Variants in RTN1 observed in about 807,000 individuals in gnomAD.
RTN1 encodes the protein reticulon 1, also known as reticulon-1.
A neutral mutation model predicts 65.5 loss-of-function variants in RTN1; 25 were observed. The ratio of observed to expected loss-of-function variants is 0.38; its 90% CI spans 0.28 to 0.53. The LOEUF is 0.53. RTN1 is among the 20% of genes least tolerant of loss of function. The pLI, the probability that RTN1 is intolerant of heterozygous loss-of-function variation, is 0.79. For synonymous variants in RTN1, 471 were observed against 447.6 expected (o/e 1.05, Z -0.66); for missense variants, 983 against 1,025.4 (o/e 0.96, Z 0.57).
intron 1 of RTN1, among the ~76,000 whole-genome samples, chr14:59,749,849 A>T (rs1359686586): frequency 8.7e-6 from 1 of 115,314 alleles, no homozygotes; most frequent in Non-Finnish European, 1.6e-5. Flanking sequence ...ATATTTATAT[A>T]TATATCTATA....
intron 8 of RTN1, among the ~76,000 whole-genome samples, chr14:59,597,362 C>G (rs1881433702): frequency 1.3e-5 from 2 of 152,256 alleles, no homozygotes; most frequent in African/African-American, 2.4e-5. Context: ...GTCCTAAATA[C>G]TCATTAAAAT....
At chr14:59,738,458 T>C (rs919141023) in intron 2 of RTN1, among the ~76,000 whole-genome samples, 45 of 152,266 alleles carry the variant, frequency 3.0e-4, no homozygotes, top group African/African-American at 1.0e-3. Flanking sequence ...TGAGGTACAA[T>C]CTTACAAAAT....
chr14:59,670,871 A>G (rs1198505731), intron 3 of RTN1, among the ~76,000 whole-genome samples: 1 of 152,192 alleles, frequency 6.6e-6, no homozygotes, highest in African/African-American at 2.4e-5. Flanking sequence ...TAACAGCAAC[A>G]TGGTTATTAA....
chr14:59,611,258 C>T (rs1473893792), intron 3 of RTN1, among the ~76,000 whole-genome samples: 1 of 146,744 alleles, frequency 6.8e-6, no homozygotes, highest in Non-Finnish European at 1.5e-5. Context: ...GGTTCAATGG[C>T]CCCCCTCCAG....
At chr14:59,804,107 G>A (rs1886594339) in intron 1 of RTN1, among the ~76,000 whole-genome samples, 1 of 152,010 alleles carries the variant, frequency 6.6e-6, no homozygotes, top group Non-Finnish European at 1.5e-5. Context: ...TGTCTTCCAG[G>A]ATCCCATCCA....
At chr14:59,682,771 A>G (rs906446476) in intron 3 of RTN1, among the ~76,000 whole-genome samples, 13 of 152,206 alleles carry the variant, frequency 8.5e-5, no homozygotes, top group Admixed American at 2.0e-4. Flanking sequence ...TTGATAATTT[A>G]TGAGTTTCCT....
intron 3 of RTN1, among the ~76,000 whole-genome samples, chr14:59,639,195 T>C (rs1238570896): frequency 6.6e-6 from 1 of 152,230 alleles, no homozygotes; most frequent in Non-Finnish European, 1.5e-5. Flanking sequence ...AGCCATCTTC[T>C]ATAGGTGCAG....
intron 1 of RTN1, among the ~76,000 whole-genome samples, chr14:59,847,916 G>A (rs746990897): frequency 1.3e-5 from 2 of 152,158 alleles, no homozygotes; most frequent in African/African-American, 2.4e-5. Context: ...CTCAGGGCCC[G>A]AATTTGTTTA....
chr14:59,629,104 G>A (rs946314308), intron 3 of RTN1, among the ~76,000 whole-genome samples: 3 of 152,132 alleles, frequency 2.0e-5, no homozygotes, highest in East Asian at 3.9e-4. Flanking sequence ...GTTCTTCCAC[G>A]TAATTGTCAT....
At chr14:59,686,957 C>T (rs1389350633) in intron 3 of RTN1, among the ~76,000 whole-genome samples, 2 of 152,224 alleles carry the variant, frequency 1.3e-5, no homozygotes, top group Non-Finnish European at 1.5e-5. Flanking sequence ...AGGTCAGAGA[C>T]TGAAGTGCCT....
At chr14:59,607,581 G>C in intron 3 of RTN1, 89 bp from the exon 4 acceptor site, 1 of 1,154,062 alleles carries the variant, frequency 8.7e-7, no homozygotes, top group Non-Finnish European at 1.3e-6. Flanking sequence ...TGTGGTTGCT[G>C]TGGGTTCTCA....
chr14:59,824,860 C>T (rs571378247), intron 1 of RTN1, among the ~76,000 whole-genome samples: 2 of 152,292 alleles, frequency 1.3e-5, no homozygotes, highest in African/African-American at 4.8e-5. Context: ...ATCTTGAGAG[C>T]ATTATGCTAA....
chr14:59,613,439 T>C (rs1204667342), intron 3 of RTN1, among the ~76,000 whole-genome samples: 3 of 152,116 alleles, frequency 2.0e-5, no homozygotes, highest in South Asian at 2.1e-4. Flanking sequence ...GCTAGGACTA[T>C]AGGTGCGCGC....
At position 59,663,214 on chromosome 14, in the gene RTN1, T is replaced by G. The variant is rs1036067799; in HGVS notation, c.1766-55722A>C. Among the ~76,000 whole-genome samples, 6 of 152,176 alleles carry G rather than the reference T, an allele frequency of 3.9e-5. No homozygotes were observed. In the South Asian group the frequency reaches 8.3e-4, roughly 21 times the overall value. On this transcript the variant is annotated intron_variant, in intron 3 of 8. Coordinates refer to ENST00000267484, the MANE Select transcript of RTN1 (RefSeq NM_021136.3). ...GTGCTGGGAAAACTGGCTAGCCACA[T>G]GTAGAAAACTGAAACTGGACTCCTT...
chr14:59,623,797 AGAT>A (rs767954396), intron 3 of RTN1, among the ~76,000 whole-genome samples: 2 of 152,222 alleles, frequency 1.3e-5, no homozygotes, highest in Non-Finnish European at 2.9e-5. Context: ...ATTTGGGCCA[AGAT>A]GATAACAGCA....
intron 3 of RTN1, among the ~76,000 whole-genome samples, chr14:59,663,351 T>G (rs938644319): frequency 1.3e-5 from 2 of 152,092 alleles, no homozygotes; most frequent in African/African-American, 4.8e-5. Context: ...GGCAAAGACT[T>G]AAACATAAGA....
chr14:59,607,632 G>T, intron 3 of RTN1, 140 bp from the exon 4 acceptor site: 1 of 707,152 alleles, frequency 1.4e-6, no homozygotes, highest in Non-Finnish European at 2.5e-6. Flanking sequence ...GCAGACAGAT[G>T]GCTGTGCCAA....
intron 1 of RTN1, among the ~76,000 whole-genome samples, chr14:59,771,537 C>T (rs560722475): frequency 1.3e-5 from 2 of 152,348 alleles, no homozygotes; most frequent in South Asian, 2.1e-4. Context: ...ATTTATTAAA[C>T]TCCCACATCC....
intron 1 of RTN1, among the ~76,000 whole-genome samples, chr14:59,807,306 G>A (rs763086471): frequency 3.3e-5 from 5 of 152,200 alleles, no homozygotes; most frequent in Non-Finnish European, 7.3e-5. Flanking sequence ...CAATTCTATA[G>A]GTCGGTCTAG....
Sources: gnomAD v4.1 joint callset for allele counts (sites outside exome capture counted in the v4.1 genomes callset) on GRCh38, gnomAD v4.1.1 for gene constraint, MANE v1.5 for transcripts, NCBI Gene and HGNC (gene_info 2026-07-23, HGNC 2026-07-21) for gene names.